RPH3A: variants seen among roughly 807,000 people sequenced by gnomAD.
The protein encoded by RPH3A is rabphilin 3A.
Under a neutral mutation model 102.2 loss-of-function variants are expected in RPH3A, and 48 were observed. The observed-to-expected ratio is 0.47, with a 90% CI of 0.37 to 0.60. The LOEUF (loss-of-function observed/expected upper bound fraction) is 0.60. Among genes scored for constraint, RPH3A ranks in the 20% least tolerant of loss-of-function variants. The pLI, the probability that RPH3A is intolerant of heterozygous loss-of-function variation, is 0.00. For synonymous variants in RPH3A, 310 were observed against 324.3 expected (o/e 0.96, Z 0.47); for missense variants, 781 against 910.1 (o/e 0.86, Z 1.83).
chr12:112,632,963 C>G (rs1235389797), intron 1 of RPH3A, among the ~76,000 whole-genome samples: 2 of 151,820 alleles, frequency 1.3e-5, no homozygotes, highest in Non-Finnish European at 2.9e-5. Flanking sequence ...GAGGCCAAGG[C>G]AGGAGGATGA....
chr12:112,691,956 A>T (rs1180288069), intron 1 of RPH3A, among the ~76,000 whole-genome samples: 1 of 152,220 alleles, frequency 6.6e-6, no homozygotes, highest in Admixed American at 6.5e-5. Context: ...ATTTTTAAAA[A>T]ATGTGTTATA....
chr12:112,588,895 GGCTGTAATTCA>G (rs1327697661), intron 1 of RPH3A, among the ~76,000 whole-genome samples: 2 of 152,132 alleles, frequency 1.3e-5, no homozygotes, highest in African/African-American at 2.4e-5. Flanking sequence ...ATTCTAAAGG[GGCTGTAATTCA>G]GCTGGGGGAA....
intron 1 of RPH3A, among the ~76,000 whole-genome samples, chr12:112,760,411 G>A (rs2040847545): frequency 6.6e-6 from 1 of 152,206 alleles, no homozygotes; most frequent in Admixed American, 6.5e-5. Context: ...TTTAGCAACT[G>A]ATAGCAAATT....
intron 5 of RPH3A, among the ~76,000 whole-genome samples, chr12:112,856,361 T>C (rs2136203330): frequency 6.6e-6 from 1 of 152,366 alleles, no homozygotes; most frequent in Non-Finnish European, 1.5e-5. Context: ...GGTCCTCCAC[T>C]GAGCTTATGA....
At chr12:112,853,752 C>G (rs1235220738) in intron 5 of RPH3A, among the ~76,000 whole-genome samples, 2 of 151,616 alleles carry the variant, frequency 1.3e-5, no homozygotes, top group Admixed American at 6.6e-5. Context: ...TCATTTAACT[C>G]AGGAAGCAGA....
intron 1 of RPH3A, among the ~76,000 whole-genome samples, chr12:112,743,660 T>C (rs1189032584): frequency 6.6e-6 from 1 of 152,058 alleles, no homozygotes; most frequent in African/African-American, 2.4e-5. Flanking sequence ...ATGAAGTACA[T>C]CTTGAATAGG....
chr12:112,690,804 G>A (rs979821727), intron 1 of RPH3A, among the ~76,000 whole-genome samples: 1 of 152,106 alleles, frequency 6.6e-6, no homozygotes, highest in African/African-American at 2.4e-5. Flanking sequence ...TACAAGATGG[G>A]ATCACATTAT....
intron 16 of RPH3A, among the ~76,000 whole-genome samples, chr12:112,884,569 G>T (rs1332202552): frequency 6.6e-6 from 1 of 152,152 alleles, no homozygotes; most frequent in African/African-American, 2.4e-5. Context: ...AAACAAAGTT[G>T]CAATGAGCAA....
chr12:112,638,995 G>A (rs1449793208), intron 1 of RPH3A, among the ~76,000 whole-genome samples: 2 of 152,134 alleles, frequency 1.3e-5, no homozygotes, highest in African/African-American at 4.8e-5. Flanking sequence ...CAGATGGTAA[G>A]TGATCATAGC....
intron 1 of RPH3A, among the ~76,000 whole-genome samples, chr12:112,629,519 A>C (rs1338734125): frequency 3.9e-5 from 5 of 129,760 alleles, no homozygotes; most frequent in African/African-American, 9.2e-5. Flanking sequence ...CCCAGGCTGG[A>C]GTGCGGTGGC....
chr12:112,690,643 C>A lies in RPH3A; in HGVS notation c.-139-101500C>A, dbSNP rs148729370. Among the ~76,000 whole-genome samples the A allele has an allele frequency of 2.0e-5, 3 of 152,286 alleles. No homozygotes were observed. In the South Asian group the frequency reaches 6.2e-4, roughly 32 times the overall value. On this transcript the variant is annotated intron_variant, in intron 1 of 21. Transcript: ENST00000543106. The stretch of plus-strand genomic sequence containing the variant: ...CACCTATTAGAACATAGCTTCCCCA[C>A]CCACTGGTAAATATGGACCAATCAA...
At chr12:112,868,679 C>T (rs1157407204) in intron 8 of RPH3A, 84 bp downstream of exon 8, 2 of 1,448,118 alleles carry the variant, frequency 1.4e-6, no homozygotes, top group Non-Finnish European at 1.9e-6. Flanking sequence ...GACATCATGT[C>T]TGTGTTTCCA....
At chr12:112,765,246 T>TTGTGTGTGTGTGTG (rs34294777) in intron 1 of RPH3A, among the ~76,000 whole-genome samples, 4 of 141,760 alleles carry the variant, frequency 2.8e-5, no homozygotes, top group African/African-American at 7.9e-5. Flanking sequence ...GTCATGGTGA[T>TTGTGTGTGTGTGTG]TGTGTGTGTG....
At chr12:112,597,931 G>A (rs942825671) in intron 1 of RPH3A, among the ~76,000 whole-genome samples, 1 of 152,200 alleles carries the variant, frequency 6.6e-6, no homozygotes, top group African/African-American at 2.4e-5. Flanking sequence ...CTAGAATGGA[G>A]CGACCCAACA....
chr12:112,641,490 A>G (rs1426499752), intron 1 of RPH3A, among the ~76,000 whole-genome samples: 2 of 152,200 alleles, frequency 1.3e-5, no homozygotes, highest in African/African-American at 4.8e-5. Context: ...TCCGCCTCCC[A>G]GGTTCAAGTG....
At chr12:112,893,488 C>G (rs569730482) in intron 19 of RPH3A, 9 of 152,320 alleles carry the variant, frequency 5.9e-5, no homozygotes, top group African/African-American at 2.2e-4. Flanking sequence ...TGTGTTTACT[C>G]ACCCAGGAAA....
intron 1 of RPH3A, among the ~76,000 whole-genome samples, chr12:112,681,235 A>G (rs2040224114): frequency 6.6e-6 from 1 of 151,990 alleles, no homozygotes; most frequent in South Asian, 2.1e-4. Flanking sequence ...CTCACTTCCA[A>G]TCATCCGCCT....
chr12:112,807,099 T>C (rs1194561270), intron 2 of RPH3A, among the ~76,000 whole-genome samples: 2 of 151,940 alleles, frequency 1.3e-5, no homozygotes, highest in Admixed American at 6.6e-5. Flanking sequence ...GGGTGGTGCC[T>C]GCAGGACCAT....
rs118002871 is a variant in RPH3A at position 112,872,745 on chromosome 12, C to T, written c.797-2339C>T. ...TCCACATATCAAATCCTGCTTTTAA[C>T]GTCTATATTATTTTGTCTTCTGAGG... is the stretch of plus-strand genomic sequence containing the variant. On this transcript the variant is annotated intron_variant, in intron 10 of 21. Coordinates refer to ENST00000389385, the MANE Select transcript of RPH3A (RefSeq NM_001143854.2). 8.4e-3 allele frequency among the ~76,000 whole-genome samples: 1,280 copies of T among 152,256 alleles called. 11 individuals carry two copies. The highest frequency in any genetic ancestry group is 0.013 in the Non-Finnish European group (854 of 68,022).
Sources: allele counts gnomAD v4.1 joint callset (sites outside exome capture counted in the v4.1 genomes callset), GRCh38; gene constraint gnomAD v4.1.1; transcripts MANE v1.5; gene names NCBI Gene and HGNC (gene_info 2026-07-23, HGNC 2026-07-21).